Variants in MRPL39 observed in about 807,000 individuals in gnomAD.
MRPL39 encodes mitochondrial ribosomal protein L39, also known as large ribosomal subunit protein mL39.
Under a neutral mutation model 44.5 loss-of-function variants are expected in MRPL39, and 35 were observed. The ratio of observed to expected loss-of-function variants is 0.79; its 90% CI spans 0.60 to 1.04. The LOEUF is 1.04. Ranked by LOEUF, MRPL39 falls within the 50% of genes least tolerant of loss-of-function variation. MRPL39 has a pLI of 0.00. For missense variants in MRPL39, 433 were observed against 413.5 expected (o/e 1.05, Z -0.41); for synonymous variants, 139 against 136.1 (o/e 1.02, Z -0.15).
At chr21:25,587,681 A>G in intron 9 of MRPL39, 1 of 1,544,564 alleles carries the variant, frequency 6.5e-7, no homozygotes, top group Non-Finnish European at 9.0e-7. Flanking sequence ...TTATATGAAT[A>G]ATTATTTGTT....
chr21:25,587,227 T>A (rs1285035926), intron 9 of MRPL39, among the ~76,000 whole-genome samples: 1 of 152,226 alleles, frequency 6.6e-6, no homozygotes, highest in East Asian at 1.9e-4. Context: ...TCCAAACTAT[T>A]TCTTTAATAT....
At position 25,603,928 on chromosome 21, in the gene MRPL39, G is replaced by C. The variant is rs374974220; in HGVS notation, c.288C>G (p.Ser96Arg). 10 of 1,604,940 alleles carry C rather than the reference G, an allele frequency of 6.2e-6. No individual in the cohort carries two copies. Among genetic ancestry groups the C allele is most frequent in the Non-Finnish European group, 7.6e-6 (9 of 1,177,618 alleles). The change falls in exon 3 of 10, where the codon AGC becomes AGG. Residue 96 changes from serine to arginine, a missense_variant. Ser to Arg is a moderately radical substitution (Grantham distance 110, BLOSUM62 -1). Coordinates refer to ENST00000352957, the MANE Select transcript of MRPL39 (RefSeq NM_017446.4). Reference sequence around the variant, plus strand: ...GAATGGACTTCCTGCAATACCACTCGCTTAAATCTAGAAATTTAAAACAGA... The same window carrying C: ...GAATGGACTTCCTGCAATACCACTCCCTTAAATCTAGAAATTTAAAACAGA... ...STPYSCAMHL[S>R]EWYCRKSILA...
intron 6 of MRPL39, among the ~76,000 whole-genome samples, chr21:25,595,271 TC>T (rs2031321695): frequency 6.6e-6 from 1 of 152,142 alleles, no homozygotes; most frequent in South Asian, 2.1e-4. Flanking sequence ...GGGTGCCAAT[TC>T]CCTTGAATAC....
intron 6 of MRPL39, among the ~76,000 whole-genome samples, chr21:25,595,191 G>A (rs1293354936): frequency 6.6e-6 from 1 of 152,190 alleles, no homozygotes; most frequent in African/African-American, 2.4e-5. Flanking sequence ...ACAATTATGT[G>A]GCAAAGTTAG....
Position 25,602,062 on chromosome 21 carries a change from A to G in MRPL39, c.421-595T>C, listed in dbSNP as rs142756616. ...GGAGAAACCTGCACCATACCTGTCCATTGTGTTCCCCTCCTGCTGACACTA... is the reference window on the plus strand; with the variant it reads ...GGAGAAACCTGCACCATACCTGTCCGTTGTGTTCCCCTCCTGCTGACACTA... On this transcript the variant is annotated intron_variant, in intron 3 of 9. Coordinates refer to ENST00000352957, the MANE Select transcript of MRPL39 (RefSeq NM_017446.4). 3.6e-3 allele frequency among the ~76,000 whole-genome samples: 543 copies of G among 152,296 alleles called. 5 individuals carry two copies. Among genetic ancestry groups the G allele is most frequent in the African/African-American group, 0.012 (518 of 41,558 alleles).
rs115668266 is a variant in MRPL39, at chr21:25,592,835, C to T, written c.898G>A (p.Val300Met). 7.4e-6 allele frequency: 12 copies of T among 1,611,832 alleles called. No individual in the cohort carries two copies. In the African/African-American group the frequency reaches 9.4e-5, roughly 13 times the overall value. The change falls in exon 8 of 10, where the codon GTG (valine) becomes ATG (methionine). Residue 300 changes from valine (V) to methionine (M), a missense_variant. Val to Met is a conservative substitution (Grantham distance 21). Transcript: ENST00000352957. ...QPSLIRRFQG[V>M]SLPVHLRAHF... ...ACTCTTAAGTGAACAGGTAAAGACA[C>T]GCCCTGGAATCTTCGTATGAGACTT... is the stretch of plus-strand genomic sequence containing the variant.
chr21:25,607,284 T>C, intron 1 of MRPL39, 119 bp downstream of exon 1: 1 of 1,109,072 alleles, frequency 9.0e-7, no homozygotes, highest in Non-Finnish European at 1.3e-6. Flanking sequence ...GCGGAGGGAC[T>C]AAGAAACCCT....
rs1041786953 is a variant in MRPL39 at position 25,595,040 on chromosome 21, C to T, written c.702-1082G>A. Reference sequence around the variant, plus strand: ...CAGTATCTCTCAAATCTACCCAATTCTGTCAGTATAGCTAAAGGCACAGAT... The same window carrying T: ...CAGTATCTCTCAAATCTACCCAATTTTGTCAGTATAGCTAAAGGCACAGAT... On this transcript the variant is annotated intron_variant, in intron 6 of 9. Coordinates refer to ENST00000352957, the MANE Select transcript of MRPL39 (RefSeq NM_017446.4). 9.9e-5 allele frequency among the ~76,000 whole-genome samples: 15 copies of T among 152,172 alleles called. No homozygotes were observed. In the East Asian group the frequency reaches 2.7e-3, roughly 27 times the overall value.
intron 2 of MRPL39, among the ~76,000 whole-genome samples, chr21:25,606,123 G>A (rs1029159001): frequency 3.3e-5 from 5 of 152,062 alleles, no homozygotes; most frequent in Admixed American, 2.6e-4. Flanking sequence ...GGACTTCTGC[G>A]CCCACCACAT....
intron 1 of MRPL39, 89 bp downstream of exon 1, chr21:25,607,314 G>T: frequency 6.9e-7 from 1 of 1,442,468 alleles, no homozygotes. Flanking sequence ...TCTGCCCCGC[G>T]GGACCTCCCC....
At chr21:25,607,490 C>G, upstream of MRPL39, 1 of 1,609,330 alleles carries the variant, frequency 6.2e-7, no homozygotes, top group African/African-American at 1.3e-5. Context: ...GCGGTGAGAA[C>G]CGTCGCGCGC....
At chr21:25,594,874 T>C (rs1010622225) in intron 6 of MRPL39, among the ~76,000 whole-genome samples, 1 of 152,198 alleles carries the variant, frequency 6.6e-6, no homozygotes, top group Non-Finnish European at 1.5e-5. Flanking sequence ...AAACTTGTTC[T>C]TCCTCCTGAA....
intron 3 of MRPL39, among the ~76,000 whole-genome samples, chr21:25,601,934 AT>A (rs1258780348): frequency 6.6e-6 from 1 of 152,196 alleles, no homozygotes; most frequent in Non-Finnish European, 1.5e-5. Context: ...GATTACTCAT[AT>A]TTATAGCAGA....
intron 9 of MRPL39, among the ~76,000 whole-genome samples, chr21:25,588,097 G>A (rs2031058333): frequency 1.3e-5 from 2 of 152,084 alleles, no homozygotes; most frequent in Non-Finnish European, 2.9e-5. Context: ...GGATCACGAG[G>A]TCAGGAGATC....
intron 9 of MRPL39, among the ~76,000 whole-genome samples, chr21:25,587,253 A>AT (rs1175733823): frequency 2.0e-5 from 3 of 151,926 alleles, no homozygotes; most frequent in Non-Finnish European, 2.9e-5. Flanking sequence ...AGCTTTTTAA[A>AT]TTTTTTTTAA....
intron 9 of MRPL39, among the ~76,000 whole-genome samples, chr21:25,587,185 A>C (rs187086293): frequency 3.3e-5 from 5 of 152,324 alleles, no homozygotes; most frequent in Admixed American, 2.6e-4. Flanking sequence ...TCATTCCTTT[A>C]AAGTGTTCAG....
rs1601365104 is a variant in MRPL39, at chr21:25,585,886, G to A, written c.970-132C>T. The A allele has an allele frequency of 6.4e-6, 4 of 624,816 alleles. 1 individual carries two copies. The highest frequency in any genetic ancestry group is 5.9e-5 in the South Asian group (3 of 51,264). The allele number at this position is 624,816 out of a possible 1,614,324, so 38.7% of individuals were successfully genotyped here. On this transcript the variant is annotated intron_variant, in intron 9 of 9. Coordinates refer to ENST00000352957, the MANE Select transcript of MRPL39 (RefSeq NM_017446.4). Reference sequence around the variant, plus strand: ...TTCCCCTTAAATAGTAGAATAGAAAGTTAGGTAAGAAGAAAGATTTAAAGG... The same window carrying A: ...TTCCCCTTAAATAGTAGAATAGAAAATTAGGTAAGAAGAAAGATTTAAAGG...
chr21:25,598,717 A>T (rs2031435386), intron 5 of MRPL39, among the ~76,000 whole-genome samples: 1 of 151,660 alleles, frequency 6.6e-6, no homozygotes, highest in South Asian at 2.1e-4. Flanking sequence ...CTCCCTCTCA[A>T]TATTATGTAA....
At chr21:25,587,344 A>C (rs2031031181) in intron 9 of MRPL39, among the ~76,000 whole-genome samples, 1 of 152,192 alleles carries the variant, frequency 6.6e-6, no homozygotes, top group Non-Finnish European at 1.5e-5. Context: ...ACCAACTAAA[A>C]AGAGAAAATT....
Sources: allele counts gnomAD v4.1 joint callset (sites outside exome capture counted in the v4.1 genomes callset), GRCh38; gene constraint gnomAD v4.1.1; transcripts MANE v1.5; gene names NCBI Gene and HGNC (gene_info 2026-07-23, HGNC 2026-07-21).